The following CSGALNACT1 variants were observed in gnomAD, a reference collection of about 807,000 sequenced individuals.
CSGALNACT1 encodes chondroitin sulfate N-acetylgalactosaminyltransferase 1.
A neutral mutation model predicts 51.0 loss-of-function variants in CSGALNACT1; 52 were observed. The ratio of observed to expected loss-of-function variants is 1.02; its 90% CI spans 0.82 to 1.29. CSGALNACT1 has a LOEUF of 1.29. CSGALNACT1 is among the 50% of genes most tolerant of loss of function. The pLI is 0.00. For synonymous variants in CSGALNACT1, 341 were observed against 254.4 expected, an observed-to-expected ratio of 1.34 and a Z score of -3.24; for missense variants, 935 against 679.2, an observed-to-expected ratio of 1.38 and a Z score of -4.19.
intron 1 of CSGALNACT1, among the ~76,000 whole-genome samples, chr8:19,670,948 G>T (rs2059756349): frequency 1.3e-5 from 2 of 152,256 alleles, no homozygotes; most frequent in East Asian, 3.9e-4. Context: ...GGGAGGACAA[G>T]GCCAGAGTAG....
chr8:19,549,837 T>A (rs543459462), intron 3 of CSGALNACT1, among the ~76,000 whole-genome samples: 2 of 152,184 alleles, frequency 1.3e-5, no homozygotes, highest in African/African-American at 4.8e-5. Flanking sequence ...GTGATCATGT[T>A]CCCTGAGATT....
intron 1 of CSGALNACT1, among the ~76,000 whole-genome samples, chr8:19,643,700 T>C (rs1246240518): frequency 6.6e-6 from 1 of 152,142 alleles, no homozygotes; most frequent in Non-Finnish European, 1.5e-5. Context: ...ACACAGATTT[T>C]CTGAAGTTTA....
intron 3 of CSGALNACT1, chr8:19,585,345 G>A (rs925843715): frequency 6.6e-6 from 1 of 152,198 alleles, no homozygotes; most frequent in Non-Finnish European, 1.5e-5. Context: ...GTGACCACAC[G>A]GGACCGAAAG....
chr8:19,534,914 C>T (rs1386194914), intron 3 of CSGALNACT1, among the ~76,000 whole-genome samples: 1 of 152,168 alleles, frequency 6.6e-6, no homozygotes, highest in South Asian at 2.1e-4. Context: ...ATCCATTGCA[C>T]TTCGCCATAT....
rs2053984163 is a variant in CSGALNACT1, at chr8:19,405,636, G to C, written c.*144C>G. 2.5e-5 allele frequency: 27 copies of C among 1,092,624 alleles called. 1 individual carries two copies. The highest frequency in any genetic ancestry group is 3.3e-5 in the Non-Finnish European group (24 of 738,160). The allele number at this position is 1,092,624 out of a possible 1,614,324, so 67.7% of individuals were successfully genotyped here. A position where few individuals can be genotyped will look rare whatever the true frequency, so the allele number is the denominator to read the frequency against. On this transcript the variant is annotated 3_prime_UTR_variant, in exon 10 of 10. Coordinates refer to ENST00000454498, the Ensembl canonical transcript of CSGALNACT1. ...GATTTCTGTTGTAAAAAGCCCAACAGAGAGAAATCGGAGGCTTTCTCATCT... is the reference window on the plus strand; with the variant it reads ...GATTTCTGTTGTAAAAAGCCCAACACAGAGAAATCGGAGGCTTTCTCATCT...
At chr8:19,445,430 A>G (rs763846398) in intron 5 of CSGALNACT1, among the ~76,000 whole-genome samples, 6 of 152,230 alleles carry the variant, frequency 3.9e-5, no homozygotes, top group Non-Finnish European at 7.3e-5. Context: ...AATCCATTCA[A>G]AGAACTTCCT....
At chr8:19,408,949 A>AACACACACACACACACACACACACACAC (rs5889870) in intron 8 of CSGALNACT1, among the ~76,000 whole-genome samples, 2,653 of 142,082 alleles carry the variant, frequency 0.019, 50 homozygotes, top group Middle Eastern at 0.036. Flanking sequence ...TAGATATGAA[A>AACACACACACACACACACACACACACAC]ACACACACAC....
intron 4 of CSGALNACT1, 80 bp downstream of exon 3, chr8:19,505,121 C>T: frequency 6.5e-7 from 1 of 1,532,954 alleles, no homozygotes; most frequent in Non-Finnish European, 9.0e-7. Flanking sequence ...TGCCAGCCTC[C>T]TGGAGCTGGA....
At chr8:19,620,296 C>T (rs1170851390) in intron 1 of CSGALNACT1, among the ~76,000 whole-genome samples, 6 of 103,554 alleles carry the variant, frequency 5.8e-5, no homozygotes, top group African/African-American at 2.3e-4. Context: ...GCCTGGGCAA[C>T]AGAGTGAGAC....
In CSGALNACT1 at chr8:19,556,190, C is replaced by T. The variant is rs138191800; in HGVS notation, c.-297+34970G>A. Among the ~76,000 whole-genome samples, 7 of 152,092 alleles carry T rather than the reference C, an allele frequency of 4.6e-5. No individual in the cohort carries two copies. In the East Asian group the frequency reaches 9.7e-4, roughly 21 times the overall value. On this transcript the variant is annotated intron_variant, in intron 3 of 9. Transcript: ENST00000454498. Reference sequence around the variant, plus strand: ...GTCAGGAAAAGACCAACATGACCAACGTGGTGAAACACTGTCTCTACTAAA... The same window carrying T: ...GTCAGGAAAAGACCAACATGACCAATGTGGTGAAACACTGTCTCTACTAAA...
chr8:19,503,681 T>C (rs1256371610), intron 4 of CSGALNACT1, among the ~76,000 whole-genome samples: 2 of 152,156 alleles, frequency 1.3e-5, no homozygotes, highest in Non-Finnish European at 2.9e-5. Flanking sequence ...TGTTGCATTA[T>C]CATGATTCTA....
chr8:19,595,595 A>T (rs1036668525), intron 2 of CSGALNACT1, among the ~76,000 whole-genome samples: 2 of 152,030 alleles, frequency 1.3e-5, no homozygotes, highest in Non-Finnish European at 2.9e-5. Flanking sequence ...GGGGGACTTG[A>T]CTATATGATC....
chr8:19,698,207 C>T (rs1490777165), intron 1 of CSGALNACT1, among the ~76,000 whole-genome samples: 1 of 152,162 alleles, frequency 6.6e-6, no homozygotes, highest in Non-Finnish European at 1.5e-5. Context: ...TCCAAGGTCC[C>T]TCAACCAGAA....
At chr8:19,552,137 C>A (rs1163609693) in intron 3 of CSGALNACT1, among the ~76,000 whole-genome samples, 1 of 152,042 alleles carries the variant, frequency 6.6e-6, no homozygotes, top group Non-Finnish European at 1.5e-5. Flanking sequence ...AAGAGCTAAA[C>A]AAACAGATTA....
intron 2 of CSGALNACT1, among the ~76,000 whole-genome samples, chr8:19,598,032 G>T (rs559457014): frequency 5.3e-5 from 8 of 152,328 alleles, no homozygotes; most frequent in Non-Finnish European, 7.4e-5. Context: ...TCTCAGGCAT[G>T]GAGTGAGAAT....
rs190760891 is a variant in CSGALNACT1 at position 19,570,614 on chromosome 8, T to C, written c.-297+20546A>G. On this transcript the variant is annotated intron_variant, in intron 3 of 9. Transcript: ENST00000454498. ...GGGAGGGTTGTTCTAATTTAAGACA[T>C]GTACAGGCCGGGTTTGGCGGCTCAA... Among the ~76,000 whole-genome samples the C allele has an allele frequency of 5.5e-3, 831 of 152,170 alleles. 5 individuals are homozygous for C. The highest frequency in any genetic ancestry group is 0.01 in the Admixed American group (153 of 15,294).
At chr8:19,425,849 A>G (rs1458339690) in intron 6 of CSGALNACT1, among the ~76,000 whole-genome samples, 3 of 152,112 alleles carry the variant, frequency 2.0e-5, no homozygotes, top group African/African-American at 7.2e-5. Context: ...CGCGCTCTGC[A>G]TCTACTCCTG....
At chr8:19,406,789 A>G (rs914460480) in intron 9 of CSGALNACT1, among the ~76,000 whole-genome samples, 3 of 152,108 alleles carry the variant, frequency 2.0e-5, no homozygotes, top group Admixed American at 1.3e-4. Context: ...GCTCACTGCA[A>G]TCTCCACCTA....
intron 4 of CSGALNACT1, among the ~76,000 whole-genome samples, chr8:19,482,549 C>T (rs1338717780): frequency 1.3e-5 from 2 of 152,192 alleles, no homozygotes; most frequent in Admixed American, 6.5e-5. Flanking sequence ...TGCCCACACT[C>T]TCCATCTAAA....
Sources: allele counts gnomAD v4.1 joint callset (sites outside exome capture counted in the v4.1 genomes callset), GRCh38; gene constraint gnomAD v4.1.1; transcripts MANE v1.5; gene names NCBI Gene and HGNC (gene_info 2026-07-23, HGNC 2026-07-21).